PDE4D: variants seen among roughly 807,000 people sequenced by gnomAD.
PDE4D encodes the protein 3',5'-cyclic-AMP phosphodiesterase 4D.
A neutral mutation model predicts 87.4 loss-of-function variants in PDE4D; 24 were observed. The ratio of observed to expected loss-of-function variants is 0.27; its 90% CI spans 0.20 to 0.39. PDE4D has a LOEUF of 0.39. Among genes scored for constraint, PDE4D ranks in the 10% least tolerant of loss-of-function variants. PDE4D has a pLI of 1.00. For missense variants in PDE4D, 714 were observed against 1,041.0 expected (o/e 0.69, Z 4.32); for synonymous variants, 384 against 383.2 (o/e 1.00, Z -0.02).
chr5:59,945,319 T>C (rs1757621421), intron 3 of PDE4D, among the ~76,000 whole-genome samples: 1 of 152,162 alleles, frequency 6.6e-6, no homozygotes, highest in East Asian at 1.9e-4. Flanking sequence ...AAGAATAATA[T>C]TTGAATTAAG....
Position 59,666,533 on chromosome 5 carries a change from G to C in PDE4D, c.455+226635C>G, listed in dbSNP as rs576163179. ...TTGGAATTTTTCAGCAAGCAATAAA[G>C]TGTCCCTGCCTAAGCAGGTTTTTAA... On this transcript the variant is annotated intron_variant, in intron 1 of 14. Transcript: ENST00000340635. Among the ~76,000 whole-genome samples the C allele has an allele frequency of 3.3e-5, 5 of 152,290 alleles. No individual in the cohort carries two copies. The South Asian group carries it at 1.0e-3, about 32-fold the overall frequency.
chr5:59,111,344 A>G (rs2153438951), intron 5 of PDE4D, among the ~76,000 whole-genome samples: 1 of 152,304 alleles, frequency 6.6e-6, no homozygotes, highest in Middle Eastern at 3.4e-3. Context: ...CTATGCAAGC[A>G]TGATCCTGGA....
intron 1 of PDE4D, among the ~76,000 whole-genome samples, chr5:59,653,822 GAC>G (rs1256263939): frequency 5.4e-5 from 8 of 148,652 alleles, no homozygotes; most frequent in Admixed American, 2.7e-4. Context: ...GAAAGGGAAA[GAC>G]AGGAGGGAAG....
intron 1 of PDE4D, among the ~76,000 whole-genome samples, chr5:59,293,711 T>G (rs1046913989): frequency 5.3e-5 from 8 of 152,162 alleles, no homozygotes; most frequent in African/African-American, 1.9e-4. Context: ...TAACAAGGCC[T>G]CAGTAATGCA....
At chr5:60,260,594 AG>A (rs1169589042) in intron 1 of PDE4D, among the ~76,000 whole-genome samples, 1 of 152,126 alleles carries the variant, frequency 6.6e-6, no homozygotes, top group Non-Finnish European at 1.5e-5. Context: ...GTCACAATTA[AG>A]GGACTGAACT....
chr5:59,492,424 G>A (rs879841842), intron 1 of PDE4D, among the ~76,000 whole-genome samples: 5 of 152,186 alleles, frequency 3.3e-5, no homozygotes, highest in Non-Finnish European at 7.3e-5. Flanking sequence ...ACTTGTGCCA[G>A]TACAGACCTA....
chr5:59,454,849 A>T (rs1192887244), intron 1 of PDE4D, among the ~76,000 whole-genome samples: 1 of 152,188 alleles, frequency 6.6e-6, no homozygotes, highest in Non-Finnish European at 1.5e-5. Flanking sequence ...AACTGGAGCA[A>T]AAGTGACTCT....
Position 59,017,888 on chromosome 5 carries a change from G to A in PDE4D, c.921+20971C>T, listed in dbSNP as rs1214636724. 2.0e-5 allele frequency among the ~76,000 whole-genome samples: 3 copies of A among 152,266 alleles called. No individual in the cohort carries two copies. In the East Asian group the frequency reaches 5.8e-4, roughly 29 times the overall value. ...CAATAATAAGACTTCTTTTTCATTT[G>A]CAACAGGTTAGTAGTGTATGAGAAT... On this transcript the variant is annotated intron_variant, in intron 6 of 14. Coordinates refer to ENST00000340635, the MANE Select transcript of PDE4D (RefSeq NM_001104631.2).
chr5:60,313,077 G>C (rs1755193119), intron 1 of PDE4D, among the ~76,000 whole-genome samples: 1 of 151,638 alleles, frequency 6.6e-6, no homozygotes, highest in South Asian at 2.1e-4. Flanking sequence ...ACCAAAATCA[G>C]AACAGAATTG....
chr5:59,151,996 G>A (rs62356729), intron 5 of PDE4D, among the ~76,000 whole-genome samples: 7,988 of 152,084 alleles, frequency 0.053, 263 homozygotes, highest in South Asian at 0.068. Flanking sequence ...GGAGAAGATC[G>A]GAGAAAACAA....
At chr5:59,466,050 A>G (rs1418243482) in intron 1 of PDE4D, among the ~76,000 whole-genome samples, 1 of 152,158 alleles carries the variant, frequency 6.6e-6, no homozygotes, top group Non-Finnish European at 1.5e-5. Context: ...TGAATTTAGG[A>G]TGATCCTATT....
At chr5:59,931,694 C>CTTTTTTTTTTTTTT (rs35943138) in intron 3 of PDE4D, among the ~76,000 whole-genome samples, 7 of 126,596 alleles carry the variant, frequency 5.5e-5, no homozygotes, top group Non-Finnish European at 7.9e-5. Context: ...TCTTCTTCTT[C>CTTTTTTTTTTTTTT]TTTTTTTTTT....
intron 1 of PDE4D, among the ~76,000 whole-genome samples, chr5:59,310,054 T>C (rs1331449500): frequency 6.6e-6 from 1 of 152,160 alleles, no homozygotes; most frequent in Non-Finnish European, 1.5e-5. Flanking sequence ...CCTCAGTTCA[T>C]CCTGGTGGGC....
At chr5:59,349,151 T>C (rs191839737) in intron 1 of PDE4D, among the ~76,000 whole-genome samples, 5 of 152,292 alleles carry the variant, frequency 3.3e-5, no homozygotes, top group Non-Finnish European at 2.9e-5. Flanking sequence ...CCTTTGCCAA[T>C]GGATTTTTCC....
intron 1 of PDE4D, among the ~76,000 whole-genome samples, chr5:59,841,269 T>C (rs1419915442): frequency 6.6e-6 from 1 of 152,086 alleles, no homozygotes; most frequent in Non-Finnish European, 1.5e-5. Flanking sequence ...GGAGTTACTG[T>C]AGTCATTTTG....
At chr5:59,789,201 T>G (rs775407787) in intron 1 of PDE4D, among the ~76,000 whole-genome samples, 1 of 152,200 alleles carries the variant, frequency 6.6e-6, no homozygotes, top group Non-Finnish European at 1.5e-5. Flanking sequence ...TTTCAAGTGG[T>G]GAAGACCATT....
intron 1 of PDE4D, among the ~76,000 whole-genome samples, chr5:59,732,492 G>T (rs1255490714): frequency 6.6e-6 from 1 of 151,720 alleles, no homozygotes; most frequent in Non-Finnish European, 1.5e-5. Flanking sequence ...TACCAAAGGG[G>T]CTTTGTTTTG....
intron 1 of PDE4D, among the ~76,000 whole-genome samples, chr5:59,522,808 G>A (rs906309802): frequency 6.6e-6 from 1 of 152,080 alleles, no homozygotes; most frequent in Non-Finnish European, 1.5e-5. Flanking sequence ...GAAAATTTCG[G>A]TTCACTTGAG....
chr5:59,565,744 G>C (rs1467317883), intron 1 of PDE4D, among the ~76,000 whole-genome samples: 1 of 152,222 alleles, frequency 6.6e-6, no homozygotes, highest in Non-Finnish European at 1.5e-5. Context: ...GATGATTACA[G>C]CTTCAGAATG....
Sources: gnomAD v4.1 joint callset for allele counts (sites outside exome capture counted in the v4.1 genomes callset) on GRCh38, gnomAD v4.1.1 for gene constraint, MANE v1.5 for transcripts, NCBI Gene and HGNC (gene_info 2026-07-23, HGNC 2026-07-21) for gene names.